Variants in INSIG1 observed in about 807,000 individuals in gnomAD.
The protein encoded by INSIG1 is insulin-induced gene 1 protein.
In INSIG1, 14 loss-of-function variants were observed where a neutral mutation model predicts 26.5. The ratio of observed to expected loss-of-function variants is 0.53; its 90% CI spans 0.35 to 0.83. INSIG1 has a LOEUF of 0.83. Among genes scored for constraint, INSIG1 ranks in the 40% least tolerant of loss-of-function variants. The pLI, the probability that INSIG1 is intolerant of heterozygous loss-of-function variation, is 0.01. For synonymous variants in INSIG1, 147 were observed against 153.3 expected (o/e 0.96, Z 0.30); for missense variants, 272 against 368.9 (o/e 0.74, Z 2.15).
At chr7:155,300,978 C>G (rs1797768421) in intron 2 of INSIG1, among the ~76,000 whole-genome samples, 1 of 152,208 alleles carries the variant, frequency 6.6e-6, no homozygotes. Flanking sequence ...ACAGTAGGTG[C>G]TCAGTGCCTC....
At chr7:155,298,205 G>A (rs903845662) in intron 1 of INSIG1, 54 bp from the exon 2 acceptor site, 2 of 1,326,748 alleles carry the variant, frequency 1.5e-6, no homozygotes, top group East Asian at 3.1e-5. Context: ...GTCCCGCGGG[G>A]CCTTCCTCGC....
Position 155,298,630 on chromosome 7 carries a change from C to T in INSIG1, c.345C>T (p.Pro115=), listed in dbSNP as rs2150893161. The T allele has an allele frequency of 2.5e-6, 4 of 1,613,464 alleles. No individual in the cohort carries two copies. The highest frequency in any genetic ancestry group is 3.4e-6 in the Non-Finnish European group (4 of 1,179,960). The change falls in exon 2 of 6, where the codon CCC becomes CCT. Residue 115 remains proline, a synonymous_variant. Coordinates refer to ENST00000340368, the MANE Select transcript of INSIG1 (RefSeq NM_005542.6). ...TCCAGAGGAATGTCACTCTCTTCCC[C>T]GAGGAGGTGATCGCCACCATCTTTT... The part of the protein sequence containing the change: ...LQIQRNVTLF[P]EEVIATIFSS...
intron 5 of INSIG1, among the ~76,000 whole-genome samples, chr7:155,306,770 C>T (rs1797946621): frequency 6.6e-6 from 1 of 152,214 alleles, no homozygotes; most frequent in African/African-American, 2.4e-5. Context: ...TGGCACCGTG[C>T]TTCTCATTAG....
chr7:155,305,010 G>A (rs1797899257), intron 5 of INSIG1, among the ~76,000 whole-genome samples: 1 of 151,536 alleles, frequency 6.6e-6, no homozygotes, highest in Non-Finnish European at 1.5e-5. Context: ...GCCAGGCGTG[G>A]TGGTGGGCAC....
intron 5 of INSIG1, chr7:155,303,814 A>G (rs1797859351): frequency 7.4e-7 from 1 of 1,355,988 alleles, no homozygotes; most frequent in Non-Finnish European, 9.9e-7. Flanking sequence ...CAGTACATTT[A>G]TTTTTGCCAG....
chr7:155,298,448 G>C lies in INSIG1; in HGVS notation c.163G>C (p.Asp55His). ...PSLLAAHGAPDADPAPRGRSA... is the reference protein window; with the variant it reads ...PSLLAAHGAPHADPAPRGRSA... ...CCTGCTGGCGGCCCACGGTGCCCCG[G>C]ACGCTGACCCCGCGCCCAGGGGCCG... Residue 55 changes from aspartate to histidine, a missense_variant, in exon 2 of 6, where the codon GAC becomes CAC. Around this residue, in one of 2 missense-constraint regions of INSIG1, gnomAD observed 161 missense variants for 179.2 expected, o/e 0.90. Coordinates refer to ENST00000340368, the MANE Select transcript of INSIG1 (RefSeq NM_005542.6). 6.4e-6 allele frequency: 10 copies of C among 1,555,612 alleles called. No homozygotes were observed. Among genetic ancestry groups the C allele is most frequent in the Non-Finnish European group, 8.7e-6 (10 of 1,151,514 alleles).
At position 155,302,955 on chromosome 7, in the gene INSIG1, G is replaced by A. The variant is rs927843017; in HGVS notation, c.804+109G>A. The A allele has an allele frequency of 5.8e-6, 4 of 684,964 alleles. No individual in the cohort carries two copies. The highest frequency in any genetic ancestry group is 3.7e-5 in the South Asian group (2 of 53,470). 42.4% of individuals were successfully genotyped at this position (684,964 alleles called of 1,614,324 possible). ...CGTTCATATATTCTGGTTCAGACTT[G>A]AGTGACAACTACTGAGAAAAGCTTA... On this transcript the variant is annotated intron_variant, in intron 5 of 5. Coordinates refer to ENST00000340368, the MANE Select transcript of INSIG1 (RefSeq NM_005542.6). The surrounding 1 kb of genome is among the most constrained non-coding windows in gnomAD (Gnocchi z 4.3).
At chr7:155,298,736 T>G (rs748916911) in intron 2 of INSIG1, 39 bp downstream of exon 2, 5 of 1,573,530 alleles carry the variant, frequency 3.2e-6, no homozygotes, top group Non-Finnish European at 4.3e-6. Flanking sequence ...GTAAAAAGGG[T>G]GTCTTTTCGG....
chr7:155,301,692 T>C lies in INSIG1; in HGVS notation c.537+2T>C. ...GTTGGCATTAACCACGCCAGTGCTG[T>C]ATCCTTAATTTTCTGTGCTACGTCC... is the stretch of plus-strand genomic sequence containing the variant. On this transcript the variant is annotated splice_donor_variant, in intron 3 of 5. Transcript: ENST00000340368. LOFTEE classifies it high-confidence loss of function. 6.4e-7 allele frequency: 1 copy of C among 1,555,450 alleles called. No individual in the cohort carries two copies. Among genetic ancestry groups the C allele is most frequent in the Non-Finnish European group, 8.7e-7 (1 of 1,144,056 alleles).
At chr7:155,299,813 C>T (rs944311149) in intron 2 of INSIG1, among the ~76,000 whole-genome samples, 4 of 152,148 alleles carry the variant, frequency 2.6e-5, no homozygotes, top group African/African-American at 7.2e-5. Context: ...TCCAAGGGTG[C>T]GCAGGTAGAA....
chr7:155,308,164 A>G (rs1797985435), intron 5 of INSIG1, 77 bp from the exon 6 acceptor site: 1 of 746,788 alleles, frequency 1.3e-6, no homozygotes. Flanking sequence ...GTTAGGACCT[A>G]CTTAATTGGT....
intron 5 of INSIG1, among the ~76,000 whole-genome samples, chr7:155,304,299 G>A (rs1345354334): frequency 6.6e-6 from 1 of 152,168 alleles, no homozygotes; most frequent in Non-Finnish European, 1.5e-5. Context: ...GGTCCCACAT[G>A]GAAATAGTAT....
Position 155,308,234 on chromosome 7 carries a change from C to T in INSIG1, c.805-7C>T, listed in dbSNP as rs773001217. On this transcript the variant is annotated splice_polypyrimidine_tract_variant and splice_region_variant and intron_variant, in intron 5 of 5. Transcript: ENST00000340368. ...TCTTTCCTTTTTTTTTTCCTTTCTA[C>T]ACATAGGGTGTTCCTGAAAAGCCCC... 4.8e-6 allele frequency: 7 copies of T among 1,461,614 alleles called. No individual in the cohort carries two copies. In the Admixed American group the frequency reaches 8.7e-5, roughly 18 times the overall value. 90.5% of individuals were successfully genotyped at this position (1,461,614 alleles called of 1,614,324 possible).
chr7:155,302,500 AT>A lies in INSIG1; in HGVS notation c.704+87del. On this transcript the variant is annotated intron_variant, in intron 4 of 5. Transcript: ENST00000340368. The surrounding 1 kb of genome is among the most constrained non-coding windows in gnomAD (Gnocchi z 4.3). The stretch of plus-strand genomic sequence containing the variant: ...ATCCACTAAGCTTAGATATTTTCAT[AT>A]TTTATTTGTTTTTTATATAGAATGA... The A allele has an allele frequency of 7.7e-7, 1 of 1,304,956 alleles. No homozygotes were observed. Among genetic ancestry groups the A allele is most frequent in the Non-Finnish European group, 1.0e-6 (1 of 967,656 alleles). The allele number at this position is 1,304,956 out of a possible 1,614,324, so 80.8% of individuals were successfully genotyped here.
Position 155,298,277 on chromosome 7 carries a change from G to T in INSIG1, c.-9G>T, listed in dbSNP as rs1474357438. On this transcript the variant is annotated 5_prime_UTR_variant, in exon 2 of 6. Transcript: ENST00000340368. ...CTTCCAGGAAGCGCCTCTTGGACGC[G>T]TGTGACCGATGCCCAGATTGCACGA... is the stretch of plus-strand genomic sequence containing the variant. 3 of 1,479,966 alleles carry T rather than the reference G, an allele frequency of 2.0e-6. No homozygotes were observed. Among genetic ancestry groups the T allele is most frequent in the East Asian group, 2.5e-5 (1 of 39,442 alleles). The allele number at this position is 1,479,966 out of a possible 1,614,324, so 91.7% of individuals were successfully genotyped here.
chr7:155,301,864 T>C (rs66568032), intron 3 of INSIG1, among the ~76,000 whole-genome samples, 174 bp downstream of exon 3: 27,917 of 149,582 alleles, frequency 0.19, 2,976 homozygotes, highest in East Asian at 0.31. Flanking sequence ...GATGACTTCA[T>C]AGTAAAATAT....
At chr7:155,298,071 CG>C in intron 1 of INSIG1, 112 bp downstream of exon 1, 1 of 421,466 alleles carries the variant, frequency 2.4e-6, no homozygotes, top group Non-Finnish European at 4.0e-6. Flanking sequence ...ACGCGGGTCC[CG>C]CTGGGGCCGG....
Position 155,308,360 on chromosome 7 carries a change from T to A in INSIG1, c.*90T>A. 1.4e-6 allele frequency: 2 copies of A among 1,465,176 alleles called. No homozygotes were observed. Among genetic ancestry groups the A allele is most frequent in the Non-Finnish European group, 1.9e-6 (2 of 1,045,052 alleles). The allele number at this position is 1,465,176 out of a possible 1,614,324, so 90.8% of individuals were successfully genotyped here. ...GACAAAGATTATCTTTTTTCTTAAG[T>A]AATCTATTTAGATCGGGCTGACTGT... On this transcript the variant is annotated 3_prime_UTR_variant, in exon 6 of 6. Coordinates refer to ENST00000340368, the MANE Select transcript of INSIG1 (RefSeq NM_005542.6).
At chr7:155,304,251 T>A (rs1193514304) in intron 5 of INSIG1, among the ~76,000 whole-genome samples, 1 of 152,232 alleles carries the variant, frequency 6.6e-6, no homozygotes, top group Non-Finnish European at 1.5e-5. Context: ...GGCGTGAGCC[T>A]GGCCTTGCTT....
Sources: allele counts gnomAD v4.1 joint callset (sites outside exome capture counted in the v4.1 genomes callset), GRCh38; gene constraint gnomAD v4.1.1; regional missense constraint gnomAD v4.1.1; non-coding constraint Gnocchi (gnomAD v3.1); transcripts MANE v1.5; gene names NCBI Gene and HGNC (gene_info 2026-07-23, HGNC 2026-07-21).